Variants in ARHGAP22 observed in about 807,000 individuals in gnomAD.
ARHGAP22 encodes the protein Rho GTPase activating protein 22.
Under a neutral mutation model 59.1 loss-of-function variants are expected in ARHGAP22, and 48 were observed. The ratio of observed to expected loss-of-function variants is 0.81; its 90% CI spans 0.64 to 1.03. The LOEUF (loss-of-function observed/expected upper bound fraction) is 1.03, where lower values mean the gene tolerates loss of function less well. ARHGAP22 is among the 50% of genes least tolerant of loss of function. The probability of loss-of-function intolerance (pLI) is 0.00; values close to 1 mark genes in which losing one functional copy is unlikely to be tolerated. For synonymous variants in ARHGAP22, 445 were observed against 416.4 expected (o/e 1.07, Z -0.84); for missense variants, 1,015 against 958.7 (o/e 1.06, Z -0.78).
At chr10:48,431,768 C>CT in the ARHGAP22 span, among the ~76,000 whole-genome samples, 12 of 151,926 alleles carry the variant, frequency 7.9e-5, no homozygotes, top group African/African-American at 9.7e-5. Flanking sequence ...GGAGTTAAAA[C>CT]TTTTTTTTAT....
At chr10:48,589,495 C>T (rs1289071299) in intron 1 of ARHGAP22, among the ~76,000 whole-genome samples, 1 of 152,122 alleles carries the variant, frequency 6.6e-6, no homozygotes, top group South Asian at 2.1e-4. Flanking sequence ...CAGGACACTC[C>T]AGAGAAATGT....
At position 48,549,946 on chromosome 10, in the gene ARHGAP22, T is replaced by G. The variant is rs1327153705; in HGVS notation, c.322+5517A>C. Among the ~76,000 whole-genome samples the G allele has an allele frequency of 2.0e-5, 3 of 152,342 alleles. No individual in the cohort carries two copies. In the East Asian group the frequency reaches 5.8e-4, roughly 29 times the overall value. On this transcript the variant is annotated intron_variant, in intron 3 of 9. Coordinates refer to ENST00000249601, the MANE Select transcript of ARHGAP22 (RefSeq NM_021226.4). The stretch of plus-strand genomic sequence containing the variant: ...GAACCACTGCCCGACACCATTCTCC[T>G]GCCACAGAGGACAACTTTTCATTCT...
chr10:48,590,418 C>T (rs1806437), intron 1 of ARHGAP22, among the ~76,000 whole-genome samples: 54,586 of 151,814 alleles, frequency 0.36, 10,000 homozygotes, highest in Non-Finnish European at 0.38. Flanking sequence ...ACACTGTCCT[C>T]GGTTGTGGTG....
intron 1 of ARHGAP22, among the ~76,000 whole-genome samples, chr10:48,588,710 C>T (rs1272177983): frequency 6.6e-6 from 1 of 152,226 alleles, no homozygotes; most frequent in Non-Finnish European, 1.5e-5. Flanking sequence ...TATGGAGCTC[C>T]TCCAGGTACA....
At chr10:48,539,290 CATTTT>C (rs933784294) in intron 3 of ARHGAP22, among the ~76,000 whole-genome samples, 2 of 129,310 alleles carry the variant, frequency 1.5e-5, no homozygotes, top group East Asian at 6.2e-4. Context: ...AGAAGGGTAA[CATTTT>C]TTTTTTTTTT....
intron 3 of ARHGAP22, among the ~76,000 whole-genome samples, chr10:48,499,697 T>C (rs2051307799): frequency 6.6e-6 from 1 of 152,248 alleles, no homozygotes; most frequent in South Asian, 2.1e-4. Flanking sequence ...TCAGGGTACT[T>C]GTTTATATGT....
intron 3 of ARHGAP22, among the ~76,000 whole-genome samples, chr10:48,528,543 G>A (rs184154826): frequency 3.3e-5 from 5 of 152,308 alleles, no homozygotes; most frequent in African/African-American, 7.2e-5. Flanking sequence ...ATGCTTTGAG[G>A]TGGGACCTGA....
At chr10:48,554,502 C>G (rs1252225788) in intron 3 of ARHGAP22, among the ~76,000 whole-genome samples, 1 of 152,220 alleles carries the variant, frequency 6.6e-6, no homozygotes, top group Non-Finnish European at 1.5e-5. Context: ...GTACCCTTCC[C>G]AGACTCCTCA....
chr10:48,608,581 G>A (rs1392294655), upstream of ARHGAP22, among the ~76,000 whole-genome samples: 3 of 152,138 alleles, frequency 2.0e-5, no homozygotes, highest in South Asian at 2.1e-4. Context: ...ACCAGCACCT[G>A]GGTCCCCAGC....
intron 1 of ARHGAP22, among the ~76,000 whole-genome samples, chr10:48,601,246 TATGAGTGTC>T (rs1327043227): frequency 4.6e-5 from 7 of 152,146 alleles, no homozygotes. Flanking sequence ...CTGCTAACCC[TATGAGTGTC>T]CCTGAAGGGC....
intron 1 of ARHGAP22, among the ~76,000 whole-genome samples, chr10:48,647,260 G>C (rs2062345136): frequency 6.6e-6 from 1 of 152,062 alleles, no homozygotes. Context: ...TGTGCGTGGT[G>C]GTGGGTGCCT....
chr10:48,487,978 A>C (rs978276037), intron 3 of ARHGAP22, among the ~76,000 whole-genome samples: 5 of 152,222 alleles, frequency 3.3e-5, no homozygotes, highest in African/African-American at 1.2e-4. Context: ...GTCTGAGCCC[A>C]GGAGTTCCAA....
At chr10:48,515,148 G>A (rs1048924797) in intron 3 of ARHGAP22, among the ~76,000 whole-genome samples, 3 of 151,856 alleles carry the variant, frequency 2.0e-5, no homozygotes, top group African/African-American at 4.8e-5. Flanking sequence ...GCAAAGATTG[G>A]CCAATAAATT....
chr10:48,625,305 A>AACTCTTAT (rs1189682712), intron 1 of ARHGAP22, among the ~76,000 whole-genome samples: 1 of 152,116 alleles, frequency 6.6e-6, no homozygotes, highest in Non-Finnish European at 1.5e-5. Flanking sequence ...TGTGCCAGGG[A>AACTCTTAT]ACTCTTATAA....
chr10:48,535,414 A>T (rs973556668), intron 3 of ARHGAP22, among the ~76,000 whole-genome samples: 1 of 152,196 alleles, frequency 6.6e-6, no homozygotes, highest in African/African-American at 2.4e-5. Context: ...TCCTCCTCTG[A>T]ATCCTCTGCT....
chr10:48,464,240 C>T (rs1439166917), intron 4 of ARHGAP22, among the ~76,000 whole-genome samples: 2 of 152,222 alleles, frequency 1.3e-5, no homozygotes, highest in African/African-American at 2.4e-5. Flanking sequence ...GCAGGCAAGG[C>T]CCTGCCCTAC....
chr10:48,496,665 G>A (rs987344387), intron 3 of ARHGAP22, among the ~76,000 whole-genome samples: 8 of 152,048 alleles, frequency 5.3e-5, no homozygotes, highest in Non-Finnish European at 5.9e-5. Flanking sequence ...CTGAACAATC[G>A]CCTGGTGCCT....
chr10:48,518,586 G>A (rs971151067), intron 3 of ARHGAP22, among the ~76,000 whole-genome samples: 3 of 152,236 alleles, frequency 2.0e-5, no homozygotes, highest in African/African-American at 7.2e-5. Context: ...TGTGAGAGGA[G>A]GATGGGGATG....
intron 2 of ARHGAP22, chr10:48,556,590 C>T (rs942692145): frequency 6.6e-6 from 1 of 152,204 alleles, no homozygotes; most frequent in African/African-American, 2.4e-5. Context: ...GGCTCAGCTA[C>T]AGGAACATTG....
Sources: gnomAD v4.1 joint callset for allele counts (sites outside exome capture counted in the v4.1 genomes callset) on GRCh38, gnomAD v4.1.1 for gene constraint, MANE v1.5 for transcripts, NCBI Gene and HGNC (gene_info 2026-07-23, HGNC 2026-07-21) for gene names.